The following SPAG16 variants were observed in gnomAD, a reference collection of about 807,000 sequenced individuals.
The protein encoded by SPAG16 is sperm-associated antigen 16 protein.
SPAG16 carries 86 observed loss-of-function variants against 80.4 expected under a neutral mutation model. The ratio of observed to expected loss-of-function variants is 1.07; its 90% CI spans 0.90 to 1.28. SPAG16 has a LOEUF of 1.28. Ranked by LOEUF, SPAG16 falls within the 50% of genes most tolerant of loss-of-function variation. The pLI is 0.00. For missense variants in SPAG16, 870 were observed against 765.3 expected, an observed-to-expected ratio of 1.14 and a Z score of -1.61; for synonymous variants, 294 against 265.9, an observed-to-expected ratio of 1.11 and a Z score of -1.03.
At chr2:213,981,082 C>T (rs1296508939) in intron 12 of SPAG16, among the ~76,000 whole-genome samples, 4 of 152,086 alleles carry the variant, frequency 2.6e-5, no homozygotes, top group Non-Finnish European at 4.4e-5. Context: ...TGCCAGCTGA[C>T]TCACTTCTTG....
chr2:214,075,471 G>T (rs1037175908), intron 13 of SPAG16, among the ~76,000 whole-genome samples: 9 of 152,022 alleles, frequency 5.9e-5, no homozygotes, highest in Non-Finnish European at 1.0e-4. Context: ...GCTTCTGGAC[G>T]CCGTAATGAT....
At chr2:214,310,291 G>A (rs183531045) in intron 15 of SPAG16, among the ~76,000 whole-genome samples, 35 of 151,892 alleles carry the variant, frequency 2.3e-4, no homozygotes, top group Middle Eastern at 3.4e-3. Context: ...TTAGACAACC[G>A]AGGCTCTGTA....
intron 10 of SPAG16, among the ~76,000 whole-genome samples, chr2:213,595,170 T>C (rs982071944): frequency 6.6e-6 from 1 of 152,096 alleles, no homozygotes; most frequent in Non-Finnish European, 1.5e-5. Flanking sequence ...TTTTGAAGTA[T>C]GCAAATGATA....
chr2:213,516,159 T>C (rs914042882), intron 10 of SPAG16, among the ~76,000 whole-genome samples: 2 of 152,164 alleles, frequency 1.3e-5, no homozygotes, highest in Non-Finnish European at 2.9e-5. Flanking sequence ...AAGGAAAAAT[T>C]CAGCTAATGC....
intron 9 of SPAG16, among the ~76,000 whole-genome samples, chr2:213,454,614 G>C (rs1218283484): frequency 6.6e-6 from 1 of 152,136 alleles, no homozygotes; most frequent in Non-Finnish European, 1.5e-5. Context: ...AAGAAGTAAA[G>C]ATATTTGGTC....
At chr2:214,262,901 A>G (rs1056579246) in intron 15 of SPAG16, among the ~76,000 whole-genome samples, 7 of 152,144 alleles carry the variant, frequency 4.6e-5, no homozygotes, top group Non-Finnish European at 7.4e-5. Context: ...TTAAACAAAC[A>G]GTATCATTTT....
chr2:213,366,129 G>A (rs1324738313), intron 8 of SPAG16, among the ~76,000 whole-genome samples: 23 of 130,342 alleles, frequency 1.8e-4, no homozygotes, highest in African/African-American at 4.8e-4. Context: ...GCGACAGAGC[G>A]AGACTCCGTC....
intron 4 of SPAG16, among the ~76,000 whole-genome samples, chr2:213,311,612 C>T (rs572649479): frequency 9.2e-5 from 14 of 151,710 alleles, no homozygotes; most frequent in Middle Eastern, 3.4e-3. Flanking sequence ...ATTGGTATAA[C>T]GCATTTCTTT....
chr2:213,353,859 A>T (rs1014270228), intron 7 of SPAG16, among the ~76,000 whole-genome samples: 1 of 152,140 alleles, frequency 6.6e-6, no homozygotes, highest in Non-Finnish European at 1.5e-5. Context: ...CACCCTAAAA[A>T]TATCCCAATT....
At chr2:213,486,360 T>C (rs1349082959) in intron 9 of SPAG16, among the ~76,000 whole-genome samples, 1 of 152,098 alleles carries the variant, frequency 6.6e-6, no homozygotes, top group African/African-American at 2.4e-5. Flanking sequence ...CTTAATATAA[T>C]GAAGAGATGG....
intron 12 of SPAG16, among the ~76,000 whole-genome samples, chr2:213,964,493 C>T (rs2044607855): frequency 1.3e-5 from 2 of 152,050 alleles, no homozygotes; most frequent in South Asian, 4.1e-4. Context: ...TTTCTGGACA[C>T]AGTTTTCTTG....
chr2:213,717,178 C>T (rs2125379686), intron 10 of SPAG16, among the ~76,000 whole-genome samples: 1 of 139,146 alleles, frequency 7.2e-6, no homozygotes, highest in African/African-American at 2.7e-5. Flanking sequence ...TTTTTTGAGA[C>T]GGAATCTCGT....
At chr2:214,106,813 CCACA>C (rs1226458936) in intron 13 of SPAG16, among the ~76,000 whole-genome samples, 1 of 152,148 alleles carries the variant, frequency 6.6e-6, no homozygotes, top group Non-Finnish European at 1.5e-5. Context: ...TTCTTTCCAG[CCACA>C]CTGGCTTCCT....
intron 15 of SPAG16, among the ~76,000 whole-genome samples, chr2:214,196,551 C>T (rs1188305790): frequency 6.6e-6 from 1 of 151,954 alleles, no homozygotes; most frequent in African/African-American, 2.4e-5. Context: ...TCTCCTAATT[C>T]CAACTGAAAT....
intron 13 of SPAG16, among the ~76,000 whole-genome samples, chr2:214,096,361 C>G (rs952282995): frequency 6.6e-6 from 1 of 151,752 alleles, no homozygotes; most frequent in African/African-American, 2.4e-5. Context: ...CTGTTTAACT[C>G]TGTTCGGCTC....
At chr2:213,516,125 G>A (rs1332799459) in intron 10 of SPAG16, among the ~76,000 whole-genome samples, 1 of 152,096 alleles carries the variant, frequency 6.6e-6, no homozygotes, top group Non-Finnish European at 1.5e-5. Flanking sequence ...GCATAAAATG[G>A]GAAACCCTAA....
chr2:213,575,267 ATTAC>A (rs1213469429), intron 10 of SPAG16, among the ~76,000 whole-genome samples: 7 of 152,176 alleles, frequency 4.6e-5, no homozygotes, highest in Non-Finnish European at 8.8e-5. Flanking sequence ...ATAACAAGAT[ATTAC>A]TTGCGAATTT....
At chr2:213,379,571 G>C (rs1208722381) in intron 9 of SPAG16, among the ~76,000 whole-genome samples, 1 of 152,146 alleles carries the variant, frequency 6.6e-6, no homozygotes, top group East Asian at 1.9e-4. Flanking sequence ...ATGATGTCTT[G>C]GCAGAAGCAT....
intron 9 of SPAG16, among the ~76,000 whole-genome samples, chr2:213,402,132 T>C (rs1448734466): frequency 6.6e-6 from 1 of 152,062 alleles, no homozygotes; most frequent in Non-Finnish European, 1.5e-5. Context: ...TATTATCTTT[T>C]TTTGCCCAAG....
Sources: gnomAD v4.1 joint callset for allele counts (sites outside exome capture counted in the v4.1 genomes callset) on GRCh38, gnomAD v4.1.1 for gene constraint, MANE v1.5 for transcripts, NCBI Gene and HGNC (gene_info 2026-07-23, HGNC 2026-07-21) for gene names.